PPL: variants seen among roughly 807,000 people sequenced by gnomAD.
PPL encodes 190 kDa paraneoplastic pemphigus antigen.
PPL carries 198 observed loss-of-function variants against 194.4 expected under a neutral mutation model. That is an observed-to-expected ratio of 1.02 (90% CI 0.91 to 1.15). PPL has a LOEUF of 1.15. PPL is among the 50% of genes most tolerant of loss of function. The pLI is 0.00. For synonymous variants in PPL, 1,220 were observed against 972.4 expected, an observed-to-expected ratio of 1.25 and a Z score of -4.74; for missense variants, 2,885 against 2,294.8, an observed-to-expected ratio of 1.26 and a Z score of -5.25.
At chr16:4,911,156 CTTTTTTTTT>C (rs34229581) in intron 1 of PPL, among the ~76,000 whole-genome samples, 2 of 85,904 alleles carry the variant, frequency 2.3e-5, no homozygotes, top group East Asian at 7.6e-4. Flanking sequence ...GGTCAGCCTC[CTTTTTTTTT>C]TTTTTTTTTT....
At chr16:4,913,050 G>C (rs1475209035) in intron 1 of PPL, among the ~76,000 whole-genome samples, 1 of 151,920 alleles carries the variant, frequency 6.6e-6, no homozygotes, top group Non-Finnish European at 1.5e-5. Context: ...GTGGCAGTGA[G>C]CTGAGATTGC....
Position 4,885,648 on chromosome 16 carries a change from C to G in PPL, c.3007G>C (p.Asp1003His), listed in dbSNP as rs1567986685. The change falls in exon 22 of 22, where the codon GAC becomes CAC. Residue 1003 changes from aspartate to histidine, a missense_variant. Coordinates refer to ENST00000345988, the MANE Select transcript of PPL (RefSeq NM_002705.5). This position sits in a 1 kb window ranked among gnomAD's most constrained non-coding sequence, Gnocchi z 6.3. ...VVKEVLRIEP[D>H]RAQADEVLQL... Reference sequence around the variant, plus strand: ...AAGACCTCATCCGCCTGGGCCCTGTCAGGCTCGATGCGCAGGACCTCCTTG... The same window carrying G: ...AAGACCTCATCCGCCTGGGCCCTGTGAGGCTCGATGCGCAGGACCTCCTTG... 1 of 1,612,880 alleles carries G rather than the reference C, an allele frequency of 6.2e-7. No homozygotes were observed. The highest frequency in any genetic ancestry group is 2.2e-5 in the East Asian group (1 of 44,680).
At chr16:4,903,720 CAA>C (rs57261954) in intron 3 of PPL, among the ~76,000 whole-genome samples, 164 bp downstream of exon 3, 12 of 129,422 alleles carry the variant, frequency 9.3e-5, no homozygotes, top group Admixed American at 7.9e-5. Flanking sequence ...AACTACGTCT[CAA>C]AAAAAAAAAA....
intron 8 of PPL, 49 bp from the exon 9 acceptor site, chr16:4,897,819 A>C: frequency 6.8e-7 from 1 of 1,465,442 alleles, no homozygotes; most frequent in Non-Finnish European, 9.5e-7. Context: ...TACTGCAGAC[A>C]CCAAGGGAGG....
chr16:4,923,032 G>C (rs982464553), intron 1 of PPL, among the ~76,000 whole-genome samples: 2 of 152,202 alleles, frequency 1.3e-5, no homozygotes, highest in Non-Finnish European at 2.9e-5. Context: ...TTGGGTTTGG[G>C]CTAAGGATCA....
In PPL at chr16:4,884,338, C is replaced by T. The variant is rs546493720; in HGVS notation, c.4317G>A (p.Glu1439=). Residue 1439 remains glutamate (E), a synonymous_variant, in exon 22 of 22, where the codon GAG becomes GAA. Coordinates refer to ENST00000345988, the MANE Select transcript of PPL (RefSeq NM_002705.5). This position sits in a 1 kb window ranked among gnomAD's most constrained non-coding sequence, Gnocchi z 5.7. ...ALEQEEAEAR[E]KVTHTQKVVL... ...CCACCTTCTGCGTATGGGTTACCTTCTCACGGGCCTCAGCTTCTTCCTGCT... is the reference window on the plus strand; with the variant it reads ...CCACCTTCTGCGTATGGGTTACCTTTTCACGGGCCTCAGCTTCTTCCTGCT... 1.2e-6 allele frequency: 2 copies of T among 1,612,772 alleles called. No individual in the cohort carries two copies. Among genetic ancestry groups the T allele is most frequent in the Admixed American group, 3.4e-5 (2 of 59,576 alleles).
Position 4,903,977 on chromosome 16 carries a change from A to C in PPL, c.226T>G (p.Leu76Val), listed in dbSNP as rs779602775. 1 of 1,613,780 alleles carries C rather than the reference A, an allele frequency of 6.2e-7. No individual in the cohort carries two copies. Among genetic ancestry groups the C allele is most frequent in the Middle Eastern group, 1.6e-4 (1 of 6,062 alleles). ...ACATAGAGCAGCTTCTCAGAGTCCA[A>C]CACCTTCTGCAGGGTCACGTCCCGG... is the stretch of plus-strand genomic sequence containing the variant. ...EHRDVTLQKV[L>V]DSEKLLYVLE... The change falls in exon 3 of 22, where the codon TTG (leucine) becomes GTG (valine). Residue 76 changes from leucine (L) to valine (V), a missense_variant. Coordinates refer to ENST00000345988, the MANE Select transcript of PPL (RefSeq NM_002705.5).
intron 20 of PPL, 61 bp downstream of exon 20, chr16:4,888,041 G>T: frequency 1.6e-6 from 2 of 1,217,476 alleles, no homozygotes; most frequent in South Asian, 1.2e-5. Flanking sequence ...CATGCTCCCT[G>T]GGGAGCAGGG....
At chr16:4,891,606 G>A (rs1256067897) in intron 16 of PPL, 3 of 568,650 alleles carry the variant, frequency 5.3e-6, no homozygotes, top group Admixed American at 7.2e-5. Context: ...TAAAATGCTG[G>A]CACCCGAAAT....
chr16:4,935,552 A>G (rs1441316355), intron 1 of PPL, among the ~76,000 whole-genome samples: 1 of 151,916 alleles, frequency 6.6e-6, no homozygotes, highest in Non-Finnish European at 1.5e-5. Flanking sequence ...GGCCCTGCCC[A>G]GTCTCTGGGG....
At chr16:4,907,024 T>C (rs111840866) in intron 2 of PPL, among the ~76,000 whole-genome samples, 4,649 of 149,276 alleles carry the variant, frequency 0.031, 262 homozygotes, top group African/African-American at 0.11. Flanking sequence ...GCGGGAGGAT[T>C]GCTTGAGCTC....
At chr16:4,931,693 G>A (rs904127269) in intron 1 of PPL, among the ~76,000 whole-genome samples, 8 of 152,214 alleles carry the variant, frequency 5.3e-5, no homozygotes, top group Admixed American at 1.3e-4. Context: ...AGCTTTGGAA[G>A]CTCTCTAAAG....
At position 4,891,021 on chromosome 16, in the gene PPL, TG is replaced by T. The variant is rs199817269; in HGVS notation, c.1969-101del. The T allele has an allele frequency of 1.4e-3, 1,544 of 1,071,200 alleles. 18 individuals are homozygous for T. In the African/African-American group the frequency reaches 0.023, roughly 16 times the overall value. The allele number at this position is 1,071,200 out of a possible 1,614,324, so 66.4% of individuals were successfully genotyped here. A position where few individuals can be genotyped will look rare whatever the true frequency, so the allele number is the denominator to read the frequency against. ...CCCTGGGCCACTGACTGTAGGAGGG[TG>T]GGCAAGGCCACAGGTAGGAAGGACC... On this transcript the variant is annotated intron_variant, in intron 16 of 21. Coordinates refer to ENST00000345988, the MANE Select transcript of PPL (RefSeq NM_002705.5).
In PPL at chr16:4,893,658, C is replaced by G. The variant is rs947805185; in HGVS notation, c.1395-20G>C. 1 of 1,554,610 alleles carries G rather than the reference C, an allele frequency of 6.4e-7. No homozygotes were observed. The highest frequency in any genetic ancestry group is 8.7e-7 in the Non-Finnish European group (1 of 1,153,142). ...CCCAGGCTGTGAGGACAGAAATGAG[C>G]TGGGAACCTGGGCAGCCCACCACCC... On this transcript the variant is annotated intron_variant, in intron 12 of 21. Coordinates refer to ENST00000345988, the MANE Select transcript of PPL (RefSeq NM_002705.5).
intron 20 of PPL, 126 bp downstream of exon 20, chr16:4,887,976 G>A (rs77603756): frequency 0.017 from 11,515 of 695,610 alleles, 132 homozygotes; most frequent in Middle Eastern, 0.024. Context: ...GCATGCAGGA[G>A]GGCTCTCAGT....
Position 4,917,360 on chromosome 16 carries a change from C to T in PPL, c.63-6411G>A, listed in dbSNP as rs115482161. 4.7e-3 allele frequency among the ~76,000 whole-genome samples: 714 copies of T among 152,210 alleles called. 6 individuals are homozygous for T. The highest frequency in any genetic ancestry group is 0.016 in the African/African-American group (683 of 41,510). ...AGGCAGGACTGACAGCTGCTACAGCCTCAGGAACCTCGAGAATGTTATGCT... is the reference window on the plus strand; with the variant it reads ...AGGCAGGACTGACAGCTGCTACAGCTTCAGGAACCTCGAGAATGTTATGCT... On this transcript the variant is annotated intron_variant, in intron 1 of 21. Coordinates refer to ENST00000345988, the MANE Select transcript of PPL (RefSeq NM_002705.5).
chr16:4,908,044 C>G (rs936231405), intron 2 of PPL, among the ~76,000 whole-genome samples: 3 of 151,634 alleles, frequency 2.0e-5, no homozygotes, highest in African/African-American at 7.3e-5. Context: ...TGCCTGTGGT[C>G]CCAGCTACTT....
rs1193893556 is a variant in PPL at position 4,893,587 on chromosome 16, G to C, written c.1446C>G (p.Arg482=). 1.2e-6 allele frequency: 2 copies of C among 1,611,210 alleles called. No individual in the cohort carries two copies. Among genetic ancestry groups the C allele is most frequent in the South Asian group, 1.1e-5 (1 of 90,838 alleles). ...GCACCTCATACCGCTGCTGCAGCGT[G>C]CGTTTGCTCCCAGCTGCCTTCTGCC... The part of the protein sequence containing the change: ...SVRQKAAGSK[R]TLQQRYEVLK... The change falls in exon 13 of 22, where the codon CGC becomes CGG. Residue 482 remains arginine (R), a synonymous_variant. Coordinates refer to ENST00000345988, the MANE Select transcript of PPL (RefSeq NM_002705.5).
chr16:4,897,792 G>C (rs372849639), intron 8 of PPL, 22 bp from the exon 9 acceptor site: 1 of 1,594,174 alleles, frequency 6.3e-7, no homozygotes, highest in Admixed American at 1.7e-5. Flanking sequence ...AGAAGGGGCC[G>C]GTCACCACTG....
Sources: gnomAD v4.1 joint callset for allele counts (sites outside exome capture counted in the v4.1 genomes callset) on GRCh38, gnomAD v4.1.1 for gene constraint, Gnocchi (gnomAD v3.1) non-coding constraint, MANE v1.5 for transcripts, NCBI Gene and HGNC (gene_info 2026-07-23, HGNC 2026-07-21) for gene names.